DAPK1: variants seen among roughly 807,000 people sequenced by gnomAD.
DAPK1 encodes death associated protein kinase 1.
Under a neutral mutation model 144.9 loss-of-function variants are expected in DAPK1, and 56 were observed. The observed-to-expected ratio is 0.39, with a 90% CI of 0.31 to 0.48. The LOEUF (loss-of-function observed/expected upper bound fraction) is 0.48. DAPK1 is among the 20% of genes least tolerant of loss of function. The pLI, the probability that DAPK1 is intolerant of heterozygous loss-of-function variation, is 0.95. For synonymous variants in DAPK1, 690 were observed against 749.0 expected (o/e 0.92, Z 1.29); for missense variants, 1,454 against 1,875.4 (o/e 0.78, Z 4.15).
intron 2 of DAPK1, among the ~76,000 whole-genome samples, chr9:87,593,744 C>A (rs901365447): frequency 6.6e-6 from 1 of 152,174 alleles, no homozygotes. Context: ...CTCCTGCCTT[C>A]TTTGTCAATT....
At chr9:87,543,532 G>C (rs1342644144) in intron 2 of DAPK1, among the ~76,000 whole-genome samples, 1 of 152,094 alleles carries the variant, frequency 6.6e-6, no homozygotes, top group Non-Finnish European at 1.5e-5. Context: ...AAATGACTCA[G>C]GATTATTTTT....
At chr9:87,683,097 T>TTTC (rs1824703126) in intron 20 of DAPK1, among the ~76,000 whole-genome samples, 1 of 151,272 alleles carries the variant, frequency 6.6e-6, no homozygotes, top group African/African-American at 2.4e-5. Flanking sequence ...TTTTTTTTTT[T>TTTC]TTTGAGATGG....
chr9:87,604,038 G>A (rs993130673), intron 2 of DAPK1, among the ~76,000 whole-genome samples: 3 of 152,106 alleles, frequency 2.0e-5, no homozygotes, highest in African/African-American at 7.2e-5. Flanking sequence ...TTCAGGCCGG[G>A]GCTGATCCAG....
At chr9:87,610,684 C>G (rs1330414970) in intron 3 of DAPK1, among the ~76,000 whole-genome samples, 2 of 152,236 alleles carry the variant, frequency 1.3e-5, no homozygotes, top group Non-Finnish European at 2.9e-5. Flanking sequence ...CTCCATGAAG[C>G]CTCAGTGTCA....
intron 3 of DAPK1, among the ~76,000 whole-genome samples, chr9:87,631,159 T>C (rs887197084): frequency 5.3e-5 from 8 of 152,156 alleles, no homozygotes; most frequent in African/African-American, 1.7e-4. Flanking sequence ...AGAATCCTAA[T>C]GTTTGCCTTG....
intron 23 of DAPK1, among the ~76,000 whole-genome samples, chr9:87,699,160 C>T (rs536416295): frequency 6.6e-6 from 1 of 152,168 alleles, no homozygotes; most frequent in Non-Finnish European, 1.5e-5. Context: ...ATTAGGGATG[C>T]ACAACCTTTA....
chr9:87,533,922 C>A (rs978756195), intron 2 of DAPK1, among the ~76,000 whole-genome samples: 1 of 152,208 alleles, frequency 6.6e-6, no homozygotes, highest in African/African-American at 2.4e-5. Context: ...CATGGCCTCC[C>A]AGAGTGCTAG....
chr9:87,594,330 G>A (rs895090804), intron 2 of DAPK1, among the ~76,000 whole-genome samples: 1 of 152,130 alleles, frequency 6.6e-6, no homozygotes, highest in African/African-American at 2.4e-5. Flanking sequence ...TCCTAGGGAT[G>A]GTGCTGAGTA....
At chr9:87,553,215 T>C (rs1826562378) in intron 2 of DAPK1, among the ~76,000 whole-genome samples, 1 of 151,674 alleles carries the variant, frequency 6.6e-6, no homozygotes, top group Non-Finnish European at 1.5e-5. Context: ...GACCTGAGTA[T>C]TTTTTTCCTT....
At chr9:87,559,617 A>ATTAGCACTGT (rs1465528579) in intron 2 of DAPK1, among the ~76,000 whole-genome samples, 1 of 152,154 alleles carries the variant, frequency 6.6e-6, no homozygotes, top group African/African-American at 2.4e-5. Context: ...CTTGGACTTG[A>ATTAGCACTGT]TTAGCACTGT....
At chr9:87,526,148 TA>T (rs56046499) in intron 2 of DAPK1, among the ~76,000 whole-genome samples, 2,921 of 141,382 alleles carry the variant, frequency 0.021, 42 homozygotes, top group Admixed American at 0.026. Flanking sequence ...TCTCTACAAT[TA>T]AAAAAAAAAA....
chr9:87,581,198 C>T (rs1371142702), intron 2 of DAPK1, among the ~76,000 whole-genome samples: 1 of 152,188 alleles, frequency 6.6e-6, no homozygotes, highest in Non-Finnish European at 1.5e-5. Context: ...CGCATGGACA[C>T]CTCTGTTCCT....
At chr9:87,668,714 G>A (rs778454394) in intron 19 of DAPK1, 40 bp downstream of exon 19, 1 of 910,818 alleles carries the variant, frequency 1.1e-6, no homozygotes, top group Admixed American at 1.7e-5. Flanking sequence ...CTCTACCTGT[G>A]TTTATGTGAA....
At chr9:87,603,384 A>G (rs1355312171) in intron 2 of DAPK1, among the ~76,000 whole-genome samples, 1 of 152,296 alleles carries the variant, frequency 6.6e-6, no homozygotes, top group East Asian at 1.9e-4. Context: ...CGGTGCTGGC[A>G]TTCCAGTGTG....
Position 87,686,677 on chromosome 9 carries a change from C to A in DAPK1, c.2351C>A (p.Pro784Gln). Residue 784 changes from proline to glutamine, a missense_variant, in exon 21 of 26, where the codon CCG (proline) becomes CAG (glutamine). Pro to Gln is a moderately conservative substitution (Grantham distance 76). Coordinates refer to ENST00000408954, the MANE Select transcript of DAPK1 (RefSeq NM_004938.4). This position sits in a 1 kb window ranked among gnomAD's most constrained non-coding sequence, Gnocchi z 4.2. ...LEVFVAPTHH[P>Q]HCSADDQSTK... is the part of the protein sequence containing the mutation. Reference sequence around the variant, plus strand: ...GTGTTTGTGGCCCCGACCCACCACCCGCACTGCTCGGCCGATGACCAGTCC... The same window carrying A: ...GTGTTTGTGGCCCCGACCCACCACCAGCACTGCTCGGCCGATGACCAGTCC... The A allele has an allele frequency of 1.2e-6, 2 of 1,613,004 alleles. No individual in the cohort carries two copies. Among genetic ancestry groups the A allele is most frequent in the Non-Finnish European group, 1.7e-6 (2 of 1,179,068 alleles).
chr9:87,600,634 G>A (rs1218265895), intron 2 of DAPK1, among the ~76,000 whole-genome samples: 1 of 152,122 alleles, frequency 6.6e-6, no homozygotes, highest in Non-Finnish European at 1.5e-5. Context: ...GAATTCACCA[G>A]TACAAAATCC....
intron 19 of DAPK1, among the ~76,000 whole-genome samples, chr9:87,675,485 TAC>T (rs1564064095): frequency 6.6e-6 from 1 of 151,806 alleles, no homozygotes; most frequent in African/African-American, 2.4e-5. Context: ...TCAGAGGATG[TAC>T]CTGGGTGTGC....
chr9:87,685,009 A>G (rs13292547), intron 20 of DAPK1, among the ~76,000 whole-genome samples: 21,342 of 152,138 alleles, frequency 0.14, 1,965 homozygotes, highest in East Asian at 0.44. Flanking sequence ...CCCAGACACA[A>G]ATTCCAGGTC....
chr9:87,702,638 A>C (rs919889503), intron 24 of DAPK1, among the ~76,000 whole-genome samples: 3 of 152,234 alleles, frequency 2.0e-5, no homozygotes, highest in African/African-American at 7.2e-5. Flanking sequence ...TAGAAGACTC[A>C]AAATCTATTT....
Sources: allele counts gnomAD v4.1 joint callset (sites outside exome capture counted in the v4.1 genomes callset), GRCh38; gene constraint gnomAD v4.1.1; non-coding constraint Gnocchi (gnomAD v3.1); transcripts MANE v1.5; gene names NCBI Gene and HGNC (gene_info 2026-07-23, HGNC 2026-07-21).